The following IGFL2 variants were observed in gnomAD, a reference collection of about 807,000 sequenced individuals.
IGFL2 encodes IGF like family member 2.
A neutral mutation model predicts 13.9 loss-of-function variants in IGFL2; 7 were observed. That is an observed-to-expected ratio of 0.51 (90% CI 0.29 to 0.95). IGFL2 has a LOEUF of 0.95. IGFL2 is among the 40% of genes least tolerant of loss of function. The probability of loss-of-function intolerance (pLI) is 0.08; values close to 1 mark genes in which losing one functional copy is unlikely to be tolerated. For missense variants in IGFL2, 138 were observed against 147.8 expected (o/e 0.93, Z 0.34); for synonymous variants, 55 against 55.8 (o/e 0.99, Z 0.07).
chr19:46,187,073 T>C, the IGFL2 span, among the ~76,000 whole-genome samples: 2 of 152,246 alleles, frequency 1.3e-5, no homozygotes, highest in Admixed American at 1.3e-4. Context: ...GGCTTTTCTT[T>C]AGCACTTGAA....
upstream of IGFL2, among the ~76,000 whole-genome samples, chr19:46,142,804 A>G (rs961978788): frequency 3.3e-5 from 5 of 152,230 alleles, no homozygotes; most frequent in African/African-American, 1.2e-4. Flanking sequence ...TACTTCTGCC[A>G]ATTTAAAAGC....
chr19:46,203,239 G>A, the IGFL2 span, among the ~76,000 whole-genome samples: 1 of 152,176 alleles, frequency 6.6e-6, no homozygotes, highest in Non-Finnish European at 1.5e-5. Context: ...ATGTCACAAG[G>A]TTGATGGATT....
the IGFL2 span, among the ~76,000 whole-genome samples, chr19:46,168,916 ATGTGTGTGTGTG>A: frequency 6.9e-6 from 1 of 145,614 alleles, no homozygotes; most frequent in African/African-American, 2.5e-5. Context: ...GTGTGTGTGT[ATGTGTGTGTGTG>A]TGTGTGTGTG....
At chr19:46,133,426 G>C in the IGFL2 span, among the ~76,000 whole-genome samples, 1 of 152,160 alleles carries the variant, frequency 6.6e-6, no homozygotes, top group Non-Finnish European at 1.5e-5. Context: ...TTCTGTACTT[G>C]ACCTGATTGG....
the IGFL2 span, among the ~76,000 whole-genome samples, chr19:46,211,276 C>T: frequency 6.6e-6 from 1 of 152,198 alleles, no homozygotes; most frequent in Non-Finnish European, 1.5e-5. Context: ...AGCCACCTTG[C>T]AGGGAGCTTC....
At chr19:46,100,492 G>C in the IGFL2 span, among the ~76,000 whole-genome samples, 1 of 152,296 alleles carries the variant, frequency 6.6e-6, no homozygotes, top group Admixed American at 6.5e-5. Flanking sequence ...GGACATAAAA[G>C]GGGCAGAGGA....
rs1326383943 is a variant in IGFL2, at chr19:46,160,950, T to C, written c.341+69T>C. ...GGAAATGAGGAGGGGAGTCTAGATG[T>C]CTTCATCACTCCTTTTGAAGAGCCC... is the stretch of plus-strand genomic sequence containing the variant. On this transcript the variant is annotated intron_variant, in intron 3 of 3. Coordinates refer to ENST00000377693, the MANE Select transcript of IGFL2 (RefSeq NM_001135113.2). 7.0e-6 allele frequency: 11 copies of C among 1,577,312 alleles called. No homozygotes were observed. In the African/African-American group the frequency reaches 1.2e-4, roughly 17 times the overall value.
In IGFL2 at chr19:46,160,722, G is replaced by A. The variant is rs1290366484; in HGVS notation, c.182G>A (p.Ser61Asn). 6 of 1,613,936 alleles carry A rather than the reference G, an allele frequency of 3.7e-6. No individual in the cohort carries two copies. The highest frequency in any genetic ancestry group is 2.2e-5 in the East Asian group (1 of 44,890). The change falls in exon 3 of 4, where the codon AGC becomes AAC. Residue 61 changes from serine (S) to asparagine (N), a missense_variant. Coordinates refer to ENST00000377693, the MANE Select transcript of IGFL2 (RefSeq NM_001135113.2). ...TACAATGACGCCATCGTGTCCCTGA[G>A]CGAGACCCGCCAATGTGGTCCCCCC... The part of the protein sequence containing the change: ...CCYNDAIVSL[S>N]ETRQCGPPCT...
the IGFL2 span, among the ~76,000 whole-genome samples, chr19:46,198,632 A>C: frequency 1.8e-3 from 267 of 152,224 alleles, 1 homozygote; most frequent in African/African-American, 5.8e-3. Flanking sequence ...TCTTTAAATT[A>C]GATTCTGACC....
the IGFL2 span, among the ~76,000 whole-genome samples, chr19:46,102,931 TG>T: frequency 1.3e-5 from 2 of 152,058 alleles, no homozygotes; most frequent in Non-Finnish European, 2.9e-5. Context: ...AGAAAGATTT[TG>T]GGGTAAGGGG....
the IGFL2 span, among the ~76,000 whole-genome samples, chr19:46,110,813 A>C: frequency 6.6e-6 from 1 of 152,214 alleles, no homozygotes; most frequent in Non-Finnish European, 1.5e-5. Flanking sequence ...GATACGATAC[A>C]TCATGATCTT....
the IGFL2 span, among the ~76,000 whole-genome samples, chr19:46,170,058 T>A: frequency 2.0e-5 from 3 of 152,078 alleles, no homozygotes; most frequent in African/African-American, 7.2e-5. Context: ...TCTGGGTGGC[T>A]AGAAGGGGGA....
chr19:46,168,934 GTGTGTA>G, the IGFL2 span, among the ~76,000 whole-genome samples: 27 of 151,652 alleles, frequency 1.8e-4, no homozygotes, highest in Non-Finnish European at 2.6e-4. Flanking sequence ...GTGTGTGTGT[GTGTGTA>G]TGTGTATGTG....
the IGFL2 span, among the ~76,000 whole-genome samples, chr19:46,115,053 G>T: frequency 1.3e-5 from 2 of 152,124 alleles, no homozygotes; most frequent in Non-Finnish European, 2.9e-5. Context: ...TTCATCCATA[G>T]CCCTAGTGAC....
chr19:46,123,327 G>A, the IGFL2 span, among the ~76,000 whole-genome samples: 10 of 150,646 alleles, frequency 6.6e-5, no homozygotes, highest in Non-Finnish European at 1.5e-5. Flanking sequence ...GAAACAAAAG[G>A]ACTACTTAAA....
the IGFL2 span, among the ~76,000 whole-genome samples, chr19:46,110,502 A>C: frequency 6.6e-6 from 1 of 152,330 alleles, no homozygotes; most frequent in East Asian, 1.9e-4. Context: ...TGCTTGTTTC[A>C]TATCAGTGGC....
the IGFL2 span, among the ~76,000 whole-genome samples, chr19:46,092,022 T>G: frequency 1.3e-5 from 2 of 152,182 alleles, no homozygotes; most frequent in Non-Finnish European, 2.9e-5. Context: ...TGGGGAGAAA[T>G]TAATCACATT....
the IGFL2 span, chr19:46,189,149 C>T: frequency 6.3e-6 from 1 of 157,526 alleles, no homozygotes; most frequent in Non-Finnish European, 1.4e-5. Context: ...GCAGGGTGAG[C>T]AGTGTGAGCC....
the IGFL2 span, among the ~76,000 whole-genome samples, chr19:46,130,656 G>A: frequency 1.3e-5 from 2 of 152,132 alleles, no homozygotes; most frequent in Non-Finnish European, 2.9e-5. Flanking sequence ...AATAAAGTGA[G>A]CAAGAACTAA....
Sources: allele counts gnomAD v4.1 joint callset (sites outside exome capture counted in the v4.1 genomes callset), GRCh38; gene constraint gnomAD v4.1.1; transcripts MANE v1.5; gene names NCBI Gene and HGNC (gene_info 2026-07-23, HGNC 2026-07-21).